The following CACHD1 variants were observed in gnomAD, a reference collection of about 807,000 sequenced individuals.
CACHD1 encodes the protein cache domain containing 1, also known as VWFA and cache domain-containing protein 1.
CACHD1 carries 71 observed loss-of-function variants against 138.7 expected under a neutral mutation model. That is an observed-to-expected ratio of 0.51 (90% CI 0.42 to 0.62). CACHD1 has a LOEUF of 0.62. CACHD1 is among the 20% of genes least tolerant of loss of function. The pLI, the probability that CACHD1 is intolerant of heterozygous loss-of-function variation, is 0.00. For synonymous variants in CACHD1, 578 were observed against 591.5 expected (o/e 0.98, Z 0.33); for missense variants, 1,389 against 1,625.3 (o/e 0.85, Z 2.50).
chr1:64,509,054 G>A (rs1646398999), intron 1 of CACHD1, among the ~76,000 whole-genome samples: 1 of 152,090 alleles, frequency 6.6e-6, no homozygotes, highest in Non-Finnish European at 1.5e-5. Context: ...CTAATTATAA[G>A]AGAAAAAGCA....
At chr1:64,485,593 T>C (rs1646237478) in intron 1 of CACHD1, among the ~76,000 whole-genome samples, 2 of 152,208 alleles carry the variant, frequency 1.3e-5, no homozygotes, top group Non-Finnish European at 1.5e-5. Context: ...TGTTTTGTTT[T>C]GTTTTGAGAC....
At chr1:64,565,036 C>A (rs1646870843) in intron 2 of CACHD1, among the ~76,000 whole-genome samples, 1 of 149,734 alleles carries the variant, frequency 6.7e-6, no homozygotes, top group South Asian at 2.2e-4. Flanking sequence ...TTTCCAGGAT[C>A]TGGATTTGTT....
chr1:64,624,748 T>A (rs1648038335), intron 4 of CACHD1, among the ~76,000 whole-genome samples: 1 of 152,176 alleles, frequency 6.6e-6, no homozygotes, highest in Non-Finnish European at 1.5e-5. Flanking sequence ...CACTTGGAGA[T>A]AATAATTTTT....
chr1:64,503,010 G>A (rs571647245), intron 1 of CACHD1, among the ~76,000 whole-genome samples: 16 of 152,284 alleles, frequency 1.1e-4, no homozygotes, highest in Admixed American at 5.2e-4. Flanking sequence ...CTCTTCAAAA[G>A]GCAACAGCAA....
chr1:64,655,995 A>T (rs114931160), intron 12 of CACHD1, among the ~76,000 whole-genome samples: 1 of 152,216 alleles, frequency 6.6e-6, no homozygotes, highest in South Asian at 2.1e-4. Flanking sequence ...CTCTGCCTTC[A>T]TAGAGCATCG....
intron 3 of CACHD1, among the ~76,000 whole-genome samples, chr1:64,583,153 T>C (rs1380212713): frequency 6.6e-6 from 1 of 152,246 alleles, no homozygotes; most frequent in Non-Finnish European, 1.5e-5. Flanking sequence ...GGTGGTTAAA[T>C]GATGCTTTGT....
At chr1:64,550,214 T>C (rs895732885) in intron 1 of CACHD1, among the ~76,000 whole-genome samples, 1 of 152,222 alleles carries the variant, frequency 6.6e-6, no homozygotes, top group Non-Finnish European at 1.5e-5. Context: ...TAAAGATCTT[T>C]ATTGCATTAG....
chr1:64,498,321 AACT>A (rs370218719), intron 1 of CACHD1, among the ~76,000 whole-genome samples: 33 of 152,302 alleles, frequency 2.2e-4, no homozygotes, highest in Middle Eastern at 3.4e-3. Flanking sequence ...AGCATATTAG[AACT>A]ACTTATTCTC....
At chr1:64,532,802 A>G (rs555723531) in intron 1 of CACHD1, among the ~76,000 whole-genome samples, 12 of 152,238 alleles carry the variant, frequency 7.9e-5, no homozygotes, top group Non-Finnish European at 1.2e-4. Context: ...TCTACTGTCT[A>G]TGTCTGACTC....
chr1:64,480,472 G>A (rs2100272191), intron 1 of CACHD1, among the ~76,000 whole-genome samples: 1 of 152,110 alleles, frequency 6.6e-6, no homozygotes, highest in Non-Finnish European at 1.5e-5. Context: ...TGATTTAATG[G>A]CTGTAAACTT....
chr1:64,689,292 G>A (rs950098982), intron 26 of CACHD1, among the ~76,000 whole-genome samples: 2 of 152,292 alleles, frequency 1.3e-5, no homozygotes, highest in Middle Eastern at 3.4e-3. Flanking sequence ...TAAACAAAAT[G>A]TGTCTTCTTT....
chr1:64,520,977 C>T (rs914334315), intron 1 of CACHD1, among the ~76,000 whole-genome samples: 3 of 152,186 alleles, frequency 2.0e-5, no homozygotes, highest in Non-Finnish European at 4.4e-5. Context: ...CCTATTGCTG[C>T]ATAACAACTT....
chr1:64,505,957 C>T (rs1646372532), intron 1 of CACHD1: 1 of 149,750 alleles, frequency 6.7e-6, no homozygotes, highest in Non-Finnish European at 1.5e-5. Flanking sequence ...CCTGCCCCTT[C>T]AACTCCTCTT....
intron 3 of CACHD1, among the ~76,000 whole-genome samples, chr1:64,595,690 T>A (rs1647144899): frequency 6.6e-6 from 1 of 152,208 alleles, no homozygotes. Context: ...CTGTGCAATT[T>A]TCCAAGCTTT....
At chr1:64,569,572 G>A (rs1248164767) in intron 2 of CACHD1, among the ~76,000 whole-genome samples, 2 of 152,138 alleles carry the variant, frequency 1.3e-5, no homozygotes, top group African/African-American at 2.4e-5. Flanking sequence ...AGCAGCGGGG[G>A]CCTTGCGGCA....
intron 7 of CACHD1, among the ~76,000 whole-genome samples, chr1:64,638,947 G>A (rs999296700): frequency 6.6e-6 from 1 of 152,182 alleles, no homozygotes; most frequent in Non-Finnish European, 1.5e-5. Flanking sequence ...CAGAGCCAGC[G>A]AGGATTCTTA....
intron 4 of CACHD1, among the ~76,000 whole-genome samples, chr1:64,626,515 G>A (rs1008331276): frequency 3.9e-5 from 6 of 152,196 alleles, no homozygotes; most frequent in Non-Finnish European, 8.8e-5. Flanking sequence ...AACAGCAAAT[G>A]CTATGCACTT....
At chr1:64,589,503 T>A (rs80077301) in intron 3 of CACHD1, among the ~76,000 whole-genome samples, 3,570 of 152,124 alleles carry the variant, frequency 0.023, 57 homozygotes, top group Middle Eastern at 0.061. Context: ...TGTGTGTGTG[T>A]ACATACAGAG....
At chr1:64,530,927 T>TG (rs1163292635) in intron 1 of CACHD1, among the ~76,000 whole-genome samples, 11,406 of 74,664 alleles carry the variant, frequency 0.15, 1,512 homozygotes, top group African/African-American at 0.33. Context: ...CATCGTGTTT[T>TG]TTTTTGTTTT....
Sources: allele counts gnomAD v4.1 joint callset (sites outside exome capture counted in the v4.1 genomes callset), GRCh38; gene constraint gnomAD v4.1.1; transcripts MANE v1.5; gene names NCBI Gene and HGNC (gene_info 2026-07-23, HGNC 2026-07-21).